The following GDA variants were observed in gnomAD, a reference collection of about 807,000 sequenced individuals.
The protein encoded by GDA is guanine deaminase.
A neutral mutation model predicts 59.6 loss-of-function variants in GDA; 18 were observed. The ratio of observed to expected loss-of-function variants is 0.30; its 90% CI spans 0.21 to 0.45. The LOEUF (loss-of-function observed/expected upper bound fraction) is 0.45, where lower values mean the gene tolerates loss of function less well. Ranked by LOEUF, GDA falls within the 20% of genes least tolerant of loss-of-function variation. The pLI is 1.00. For synonymous variants in GDA, 201 were observed against 201.1 expected (o/e 1.00, Z 0.00); for missense variants, 427 against 552.3 (o/e 0.77, Z 2.27).
chr9:72,203,156 G>A (rs1291456436), intron 3 of GDA, among the ~76,000 whole-genome samples: 1 of 152,164 alleles, frequency 6.6e-6, no homozygotes. Context: ...GATCATGATA[G>A]TACCTATTTC....
intron 1 of GDA, among the ~76,000 whole-genome samples, chr9:72,185,469 G>C (rs1319168279): frequency 6.6e-6 from 1 of 151,996 alleles, no homozygotes; most frequent in African/African-American, 2.4e-5. Flanking sequence ...CCCCCACTTT[G>C]GTTTTTATTT....
chr9:72,126,914 C>T (rs1825868447), intron 1 of GDA, among the ~76,000 whole-genome samples: 1 of 151,996 alleles, frequency 6.6e-6, no homozygotes, highest in Non-Finnish European at 1.5e-5. Context: ...CTTTGACTGC[C>T]TGACCTTTTC....
intron 3 of GDA, among the ~76,000 whole-genome samples, chr9:72,209,908 G>A (rs762426289): frequency 2.6e-5 from 4 of 152,148 alleles, no homozygotes; most frequent in Non-Finnish European, 5.9e-5. Flanking sequence ...TGCCCTTGAG[G>A]TCAGCCAGAT....
intron 1 of GDA, among the ~76,000 whole-genome samples, chr9:72,165,987 A>T (rs1829264162): frequency 6.6e-6 from 1 of 152,080 alleles, no homozygotes; most frequent in Non-Finnish European, 1.5e-5. Context: ...AGAAAATCTT[A>T]CCCCTCCTTC....
chr9:72,220,211 T>G (rs1229296718), intron 6 of GDA, among the ~76,000 whole-genome samples: 1 of 152,178 alleles, frequency 6.6e-6, no homozygotes, highest in African/African-American at 2.4e-5. Context: ...TGATCTCACT[T>G]ATTTGTGAAA....
chr9:72,180,183 C>A (rs1831012216), intron 1 of GDA, among the ~76,000 whole-genome samples: 1 of 151,980 alleles, frequency 6.6e-6, no homozygotes, highest in Non-Finnish European at 1.5e-5. Flanking sequence ...ATGGTGAAAC[C>A]CCATCTCTAC....
At chr9:72,247,252 G>T (rs1463301396) in intron 12 of GDA, among the ~76,000 whole-genome samples, 154 bp from the exon 13 acceptor site, 1 of 152,078 alleles carries the variant, frequency 6.6e-6, no homozygotes, top group Non-Finnish European at 1.5e-5. Flanking sequence ...TTTTTATAAA[G>T]CACATAGCCA....
intron 1 of GDA, among the ~76,000 whole-genome samples, chr9:72,150,499 C>A (rs1039007956): frequency 2.0e-5 from 3 of 152,124 alleles, no homozygotes; most frequent in Non-Finnish European, 4.4e-5. Flanking sequence ...TTTACTGTTC[C>A]ATACACACAT....
intron 9 of GDA, chr9:72,229,198 AATAT>A (rs1838014108): frequency 6.1e-6 from 1 of 164,212 alleles, no homozygotes; most frequent in Non-Finnish European, 1.2e-5. Context: ...AAAAAAAAAA[AATAT>A]TAGCCGGGCA....
At chr9:72,211,362 C>T (rs992340177) in intron 4 of GDA, among the ~76,000 whole-genome samples, 2 of 152,196 alleles carry the variant, frequency 1.3e-5, no homozygotes, top group African/African-American at 2.4e-5. Flanking sequence ...TTACTGATGT[C>T]CTCATGTTAC....
intron 1 of GDA, among the ~76,000 whole-genome samples, chr9:72,168,216 G>A (rs1039908925): frequency 6.6e-6 from 1 of 151,958 alleles, no homozygotes; most frequent in African/African-American, 2.4e-5. Context: ...GGGCAACACA[G>A]GGAGATCCCT....
chr9:72,183,623 C>T (rs1209787894), intron 1 of GDA, among the ~76,000 whole-genome samples: 1 of 152,188 alleles, frequency 6.6e-6, no homozygotes, highest in African/African-American at 2.4e-5. Context: ...TTATTACCTG[C>T]CAGATGCGTA....
Position 72,225,784 on chromosome 9 carries a change from G to C in GDA, c.822G>C (p.Lys274Asn). 2.5e-6 allele frequency: 3 copies of C among 1,198,966 alleles called. No individual in the cohort carries two copies. The highest frequency in any genetic ancestry group is 3.7e-6 in the Non-Finnish European group (3 of 821,352). The allele number at this position is 1,198,966 out of a possible 1,614,324, so 74.3% of individuals were successfully genotyped here. The change falls in exon 8 of 14, where the codon AAG (lysine) becomes AAC (asparagine). Residue 274 changes from lysine (K) to asparagine (N), a missense_variant and splice_region_variant. Transcript: ENST00000358399. ...VYDKNNLLTN[K>N]TVMAHGCYLS... ...ATAAAAACAATCTTTTGACAAATAAGGTAAGTTTTATATCATGACATAATC... is the reference window on the plus strand; with the variant it reads ...ATAAAAACAATCTTTTGACAAATAACGTAAGTTTTATATCATGACATAATC...
At chr9:72,164,780 G>A (rs1489815192) in intron 1 of GDA, among the ~76,000 whole-genome samples, 2 of 151,338 alleles carry the variant, frequency 1.3e-5, no homozygotes, top group East Asian at 1.9e-4. Context: ...TCAGGAGATC[G>A]AGACCATCCT....
At chr9:72,157,026 C>T (rs568587227) in intron 1 of GDA, among the ~76,000 whole-genome samples, 43 of 141,532 alleles carry the variant, frequency 3.0e-4, no homozygotes, top group Admixed American at 4.9e-4. Flanking sequence ...GACTTCTAGA[C>T]TTCCTTTTTT....
intron 1 of GDA, among the ~76,000 whole-genome samples, chr9:72,155,607 C>T (rs377762930): frequency 1.2e-3 from 187 of 152,172 alleles, no homozygotes; most frequent in African/African-American, 4.3e-3. Flanking sequence ...GACAGGTAGG[C>T]AGGGCTATGT....
chr9:72,170,833 T>C (rs1291804053), intron 1 of GDA, among the ~76,000 whole-genome samples: 1 of 145,688 alleles, frequency 6.9e-6, no homozygotes, highest in Non-Finnish European at 1.5e-5. Flanking sequence ...TTGTTGTTGT[T>C]GAGATAGGCC....
At chr9:72,155,023 G>T (rs1376221447) in intron 1 of GDA, among the ~76,000 whole-genome samples, 1 of 152,176 alleles carries the variant, frequency 6.6e-6, no homozygotes, top group East Asian at 1.9e-4. Context: ...CTAGTTAGGG[G>T]AAGGCTTTCC....
chr9:72,130,698 C>A (rs766505855), intron 1 of GDA, among the ~76,000 whole-genome samples: 22 of 152,152 alleles, frequency 1.4e-4, no homozygotes, highest in Non-Finnish European at 2.8e-4. Context: ...ACAAGGCAGG[C>A]AACCAATCCA....
Sources: gnomAD v4.1 joint callset for allele counts (sites outside exome capture counted in the v4.1 genomes callset) on GRCh38, gnomAD v4.1.1 for gene constraint, MANE v1.5 for transcripts, NCBI Gene and HGNC (gene_info 2026-07-23, HGNC 2026-07-21) for gene names.